PLD5: variants seen among roughly 807,000 people sequenced by gnomAD.
PLD5 encodes the protein inactive phospholipase D5.
A neutral mutation model predicts 61.1 loss-of-function variants in PLD5; 36 were observed. The observed-to-expected ratio is 0.59, with a 90% CI of 0.45 to 0.78. PLD5 has a LOEUF of 0.78. Among genes scored for constraint, PLD5 ranks in the 30% least tolerant of loss-of-function variants. The pLI is 0.00. For synonymous variants in PLD5, 243 were observed against 242.8 expected (o/e 1.00, Z -0.01); for missense variants, 515 against 644.4 (o/e 0.80, Z 2.17).
intron 1 of PLD5, among the ~76,000 whole-genome samples, chr1:242,356,543 T>C (rs1051045238): frequency 6.6e-6 from 1 of 152,164 alleles, no homozygotes; most frequent in Non-Finnish European, 1.5e-5. Context: ...TTAGAGAATT[T>C]AATCTCTTTT....
At chr1:242,306,533 A>G (rs1676356131) in intron 2 of PLD5, among the ~76,000 whole-genome samples, 1 of 98,490 alleles carries the variant, frequency 1.0e-5, no homozygotes, top group Non-Finnish European at 2.0e-5. Flanking sequence ...GTGGTCTCTA[A>G]CCAGTGATAT....
In PLD5 at chr1:242,494,929, TAA is replaced by T. The variant is rs1244298060; in HGVS notation, c.189+29157_189+29158del. 3.3e-5 allele frequency among the ~76,000 whole-genome samples: 5 copies of T among 150,254 alleles called. No homozygotes were observed. In the East Asian group the frequency reaches 9.9e-4, roughly 30 times the overall value. ...CCTGTGTCAGTTTTCTGTCCCTTAC[TAA>T]TGTCCTGCAGTTGGTCCCTAAGTCC... is the stretch of plus-strand genomic sequence containing the variant. On this transcript the variant is annotated intron_variant, in intron 1 of 9. Coordinates refer to ENST00000536534, the MANE Select transcript of PLD5 (RefSeq NM_001372062.1).
At chr1:242,268,249 A>T (rs187517611) in intron 3 of PLD5, among the ~76,000 whole-genome samples, 2 of 152,334 alleles carry the variant, frequency 1.3e-5, no homozygotes, top group Admixed American at 1.3e-4. Flanking sequence ...ACTCGTGGTC[A>T]TCTCACGTTC....
At chr1:242,470,770 C>T (rs1193081899) in intron 1 of PLD5, among the ~76,000 whole-genome samples, 1 of 152,216 alleles carries the variant, frequency 6.6e-6, no homozygotes, top group African/African-American at 2.4e-5. Context: ...AAACTCATGT[C>T]TACCTTCATT....
chr1:242,173,599 G>C (rs183126398), intron 5 of PLD5, among the ~76,000 whole-genome samples: 10 of 152,284 alleles, frequency 6.6e-5, no homozygotes, highest in African/African-American at 9.6e-5. Flanking sequence ...ACAATCCTAA[G>C]CCAAAAGTAC....
intron 1 of PLD5, among the ~76,000 whole-genome samples, chr1:242,440,827 C>T: frequency 6.6e-6 from 1 of 152,200 alleles, no homozygotes; most frequent in Non-Finnish European, 1.5e-5. Flanking sequence ...TCCGCCTCCT[C>T]CTACTGCTCT....
chr1:242,528,464 C>T (rs1050158162), upstream of PLD5, among the ~76,000 whole-genome samples: 13 of 152,150 alleles, frequency 8.5e-5, 1 homozygote, highest in Non-Finnish European at 1.8e-4. Flanking sequence ...CAAACCTAAA[C>T]TTAACAGATG....
chr1:242,350,430 C>T (rs1660407810), intron 1 of PLD5, among the ~76,000 whole-genome samples: 3 of 70,788 alleles, frequency 4.2e-5, no homozygotes, highest in Admixed American at 4.0e-4. Context: ...TATGTATACA[C>T]ACGTACACAC....
intron 5 of PLD5, among the ~76,000 whole-genome samples, chr1:242,142,998 A>G (rs959336071): frequency 6.0e-5 from 9 of 149,756 alleles, no homozygotes; most frequent in African/African-American, 2.2e-4. Flanking sequence ...GATTACAGGC[A>G]TGAGCCACCG....
At chr1:242,276,969 C>T (rs1368835259) in intron 3 of PLD5, among the ~76,000 whole-genome samples, 1 of 152,076 alleles carries the variant, frequency 6.6e-6, no homozygotes, top group Non-Finnish European at 1.5e-5. Context: ...GATGAATATG[C>T]TCATCATGCC....
At chr1:242,208,240 C>T (rs1216896624) in intron 5 of PLD5, among the ~76,000 whole-genome samples, 1 of 151,786 alleles carries the variant, frequency 6.6e-6, no homozygotes, top group Non-Finnish European at 1.5e-5. Context: ...GAGCTCACCC[C>T]GCTCACTCAT....
chr1:242,262,115 T>C (rs1009816200), intron 4 of PLD5, among the ~76,000 whole-genome samples: 1 of 152,194 alleles, frequency 6.6e-6, no homozygotes, highest in Non-Finnish European at 1.5e-5. Flanking sequence ...ATTATATTCA[T>C]AAAATGGAAT....
At chr1:242,341,092 T>C (rs1659805431) in intron 2 of PLD5, among the ~76,000 whole-genome samples, 1 of 152,074 alleles carries the variant, frequency 6.6e-6, no homozygotes. Context: ...AAAATAGCAC[T>C]AGAAAAGCTT....
At chr1:242,291,351 A>G (rs1675350111) in intron 2 of PLD5, among the ~76,000 whole-genome samples, 1 of 152,108 alleles carries the variant, frequency 6.6e-6, no homozygotes, top group Admixed American at 6.5e-5. Flanking sequence ...TTGATGGATT[A>G]TAGGATGTGT....
chr1:242,386,226 T>C (rs1203498848), intron 1 of PLD5, among the ~76,000 whole-genome samples: 2 of 152,218 alleles, frequency 1.3e-5, no homozygotes, highest in Non-Finnish European at 2.9e-5. Context: ...GGTCTCATTC[T>C]GAGGTACTTG....
rs1040986458 is a variant in PLD5 at position 242,288,299 on chromosome 1, A to G, written c.495+63T>C. ...TTGAGTTTGAGGAGTGGAGGAGCAG[A>G]ATACTAAGGAGTGGAAAATGCACAT... is the stretch of plus-strand genomic sequence containing the variant. On this transcript the variant is annotated intron_variant, in intron 3 of 9. Coordinates refer to ENST00000536534, the MANE Select transcript of PLD5 (RefSeq NM_001372062.1). The G allele has an allele frequency of 5.7e-6, 9 of 1,579,252 alleles. No homozygotes were observed. In the African/African-American group the frequency reaches 1.1e-4, roughly 19 times the overall value.
intron 3 of PLD5, among the ~76,000 whole-genome samples, chr1:242,275,982 G>A (rs1674390165): frequency 6.6e-6 from 1 of 152,058 alleles, no homozygotes; most frequent in Admixed American, 6.6e-5. Context: ...TTACAGGGGA[G>A]AACTGGAGAC....
At chr1:242,178,250 C>G (rs1156528427) in intron 5 of PLD5, 3 of 152,190 alleles carry the variant, frequency 2.0e-5, no homozygotes, top group Non-Finnish European at 4.4e-5. Flanking sequence ...GCTATTCCAT[C>G]TTTCTGCATG....
At chr1:242,523,915 A>T (rs1053048076) in intron 1 of PLD5, among the ~76,000 whole-genome samples, 173 bp downstream of exon 1, 3 of 152,180 alleles carry the variant, frequency 2.0e-5, no homozygotes, top group Non-Finnish European at 4.4e-5. Context: ...CAGCCCGGTC[A>T]TTAAGGCAAG....
Sources: allele counts gnomAD v4.1 joint callset (sites outside exome capture counted in the v4.1 genomes callset), GRCh38; gene constraint gnomAD v4.1.1; transcripts MANE v1.5; gene names NCBI Gene and HGNC (gene_info 2026-07-23, HGNC 2026-07-21).